The following ZXDC variants were observed in gnomAD, a reference collection of about 807,000 sequenced individuals.
ZXDC encodes the protein zinc finger protein ZXDC.
Under a neutral mutation model 63.6 loss-of-function variants are expected in ZXDC, and 58 were observed. The ratio of observed to expected loss-of-function variants is 0.91; its 90% CI spans 0.74 to 1.13. The LOEUF (loss-of-function observed/expected upper bound fraction) is 1.13, where lower values mean the gene tolerates loss of function less well. Ranked by LOEUF, ZXDC falls within the 50% of genes most tolerant of loss-of-function variation. The pLI, the probability that ZXDC is intolerant of heterozygous loss-of-function variation, is 0.00. For missense variants in ZXDC, 1,133 were observed against 1,148.9 expected, an observed-to-expected ratio of 0.99 and a Z score of 0.20; for synonymous variants, 561 against 496.1, an observed-to-expected ratio of 1.13 and a Z score of -1.74.
chr3:126,449,041 C>A (rs1416955323), intron 7 of ZXDC, among the ~76,000 whole-genome samples: 1 of 152,176 alleles, frequency 6.6e-6, no homozygotes, highest in Non-Finnish European at 1.5e-5. Context: ...ATAGGGCAGC[C>A]AAGGCCAGCT....
chr3:126,453,941 T>C, intron 7 of ZXDC: 1 of 983,930 alleles, frequency 1.0e-6, no homozygotes. Flanking sequence ...TAACATATTA[T>C]GATCAGAAAA....
chr3:126,458,884 G>T, intron 7 of ZXDC: 1 of 985,308 alleles, frequency 1.0e-6, no homozygotes, highest in Non-Finnish European at 1.2e-6. Context: ...GTGAAACACT[G>T]GCTTTAAGAA....
intron 7 of ZXDC, chr3:126,454,064 AT>A (rs11375010): frequency 2.2e-3 from 1,389 of 640,330 alleles, no homozygotes; most frequent in Middle Eastern, 4.9e-3. Flanking sequence ...ATATATATAT[AT>A]TTTTTTTTTT....
intron 4 of ZXDC, 142 bp downstream of exon 4, chr3:126,470,753 G>T: frequency 8.6e-7 from 1 of 1,168,680 alleles, no homozygotes; most frequent in East Asian, 2.4e-5. Flanking sequence ...TTAACTCAAT[G>T]AGGTAAGTAA....
rs1165279242 is a variant in ZXDC, at chr3:126,441,944, C to T, written c.2215G>A (p.Ala739Thr). ...KQRGAGSNAG[A>T]SQSTQRKIKE... ...ATTTTTCTCTGAGTAGACTGTGAGGCTCCTAAAATGAAATATAAAAACGAG... is the reference window on the plus strand; with the variant it reads ...ATTTTTCTCTGAGTAGACTGTGAGGTTCCTAAAATGAAATATAAAAACGAG... The change falls in exon 8 of 10, where the codon GCC becomes ACC. Residue 739 changes from alanine (A) to threonine (T), a missense_variant and splice_region_variant. Ala to Thr is a moderately conservative substitution (Grantham distance 58). Coordinates refer to ENST00000389709, the MANE Select transcript of ZXDC (RefSeq NM_025112.5). The T allele has an allele frequency of 6.3e-7, 1 of 1,591,614 alleles. No individual in the cohort carries two copies. Among genetic ancestry groups the T allele is most frequent in the Non-Finnish European group, 8.6e-7 (1 of 1,168,010 alleles).
intron 6 of ZXDC, chr3:126,460,068 T>C (rs1480707817): frequency 1.0e-6 from 1 of 985,476 alleles, no homozygotes; most frequent in Non-Finnish European, 1.2e-6. Flanking sequence ...GAGCCTTGCC[T>C]GGGTAACCCA....
At chr3:126,454,935 A>T in intron 7 of ZXDC, 1 of 985,480 alleles carries the variant, frequency 1.0e-6, no homozygotes, top group South Asian at 4.7e-5. Context: ...CAATGGGAAG[A>T]GTCTTGGATT....
At chr3:126,454,684 T>A (rs1476757488) in intron 7 of ZXDC, 8 of 985,344 alleles carry the variant, frequency 8.1e-6, no homozygotes, top group Non-Finnish European at 9.6e-6. Flanking sequence ...TGCTGCTGTC[T>A]CCTCTGATAA....
At chr3:126,456,482 G>T (rs773671406) in intron 7 of ZXDC, among the ~76,000 whole-genome samples, 4 of 152,226 alleles carry the variant, frequency 2.6e-5, no homozygotes, top group Non-Finnish European at 5.9e-5. Flanking sequence ...TCCCTGGGGG[G>T]CAATGGTCTC....
intron 7 of ZXDC, chr3:126,457,555 A>G (rs1387983811): frequency 4.1e-6 from 4 of 985,310 alleles, no homozygotes; most frequent in East Asian, 1.1e-4. Context: ...CATTTCCCTT[A>G]GAAGTGTATG....
Position 126,438,129 on chromosome 3 carries a change from C to T in ZXDC, c.*246G>A. The T allele has an allele frequency of 1.8e-6, 1 of 558,988 alleles. No homozygotes were observed. Among genetic ancestry groups the T allele is most frequent in the African/African-American group, 1.9e-5 (1 of 53,192 alleles). The allele number at this position is 558,988 out of a possible 1,614,324, so 34.6% of individuals were successfully genotyped here. A position where few individuals can be genotyped will look rare whatever the true frequency, so the allele number is the denominator to read the frequency against. On this transcript the variant is annotated 3_prime_UTR_variant, in exon 10 of 10. Transcript: ENST00000389709. ...AGAGGCTGTAGTGCACCTAGCCCTG[C>T]TGAGGGAGACCCTTGCCTTGCCAAA...
At chr3:126,453,361 A>G (rs1190646955) in intron 7 of ZXDC, 2 of 985,322 alleles carry the variant, frequency 2.0e-6, no homozygotes, top group Non-Finnish European at 2.4e-6. Flanking sequence ...GGCCCATACC[A>G]AAAGTTTTTC....
chr3:126,439,578 C>T (rs1933592499), intron 9 of ZXDC, 54 bp downstream of exon 9: 4 of 1,550,772 alleles, frequency 2.6e-6, no homozygotes, highest in South Asian at 2.4e-5. Flanking sequence ...TTCTGGAAGT[C>T]GAAGGCTCTG....
At chr3:126,467,462 A>C (rs1934818016) in intron 4 of ZXDC, among the ~76,000 whole-genome samples, 1 of 152,166 alleles carries the variant, frequency 6.6e-6, no homozygotes, top group Non-Finnish European at 1.5e-5. Flanking sequence ...GCGAGCAACG[A>C]CGCACTCGCG....
intron 6 of ZXDC, chr3:126,461,151 C>G (rs1934515546): frequency 1.0e-6 from 1 of 996,736 alleles, no homozygotes; most frequent in South Asian, 4.7e-5. Context: ...TCCATTGAAC[C>G]TCTGAAGGTG....
Position 126,441,787 on chromosome 3 carries a change from C to A in ZXDC, c.2372G>T (p.Gly791Val). ...CACCTGCACCAGCTGGACCTGGACG[C>A]CCTGCGCCCCGCACTGCACCCCAGC... is the stretch of plus-strand genomic sequence containing the variant. ...PAAGVQCGAQ[G>V]VQVQLVQDDP... Residue 791 changes from glycine (G) to valine (V), a missense_variant, in exon 8 of 10, where the codon GGC (glycine) becomes GTC (valine). Gly to Val is a moderately radical substitution (Grantham distance 109). Transcript: ENST00000389709. The A allele has an allele frequency of 6.2e-7, 1 of 1,606,022 alleles. No homozygotes were observed. Among genetic ancestry groups the A allele is most frequent in the East Asian group, 2.2e-5 (1 of 44,774 alleles).
At chr3:126,448,830 A>C (rs1933981620) in intron 7 of ZXDC, among the ~76,000 whole-genome samples, 1 of 152,230 alleles carries the variant, frequency 6.6e-6, no homozygotes, top group South Asian at 2.1e-4. Flanking sequence ...CACACCCTCT[A>C]ATCTCCCCCT....
chr3:126,471,234 C>T (rs544658510), intron 3 of ZXDC, among the ~76,000 whole-genome samples: 2 of 152,246 alleles, frequency 1.3e-5, no homozygotes, highest in South Asian at 4.1e-4. Context: ...CTAAGCTGAC[C>T]CCAGAGTCAC....
chr3:126,448,078 A>T (rs1933949021), intron 7 of ZXDC, among the ~76,000 whole-genome samples: 1 of 152,174 alleles, frequency 6.6e-6, no homozygotes, highest in South Asian at 2.1e-4. Context: ...GAGGACCTAC[A>T]CCTCACAGGA....
Sources: allele counts gnomAD v4.1 joint callset (sites outside exome capture counted in the v4.1 genomes callset), GRCh38; gene constraint gnomAD v4.1.1; transcripts MANE v1.5; gene names NCBI Gene and HGNC (gene_info 2026-07-23, HGNC 2026-07-21).